Variants in VSNL1 observed in about 807,000 individuals in gnomAD.
VSNL1 encodes visinin like 1, also known as visinin-like protein 1.
VSNL1 carries 6 observed loss-of-function variants against 20.4 expected under a neutral mutation model. That is an observed-to-expected ratio of 0.29 (90% CI 0.16 to 0.58). The LOEUF is 0.58. VSNL1 is among the 20% of genes least tolerant of loss of function. The probability of loss-of-function intolerance (pLI) is 0.90; values close to 1 mark genes in which losing one functional copy is unlikely to be tolerated. For missense variants in VSNL1, 100 were observed against 234.5 expected, an observed-to-expected ratio of 0.43 and a Z score of 3.75; for synonymous variants, 93 against 86.4, an observed-to-expected ratio of 1.08 and a Z score of -0.42.
intron 1 of VSNL1, among the ~76,000 whole-genome samples, chr2:17,568,348 A>T (rs1216960985): frequency 6.6e-6 from 1 of 152,048 alleles, no homozygotes; most frequent in African/African-American, 2.4e-5. Context: ...GCTCACTGCA[A>T]CCTCAACCTT....
rs1666206340 is a variant in VSNL1, at chr2:17,655,367, A to G, written c.549A>G (p.Leu183=). The G allele has an allele frequency of 3.1e-6, 5 of 1,612,244 alleles. No individual in the cohort carries two copies. The highest frequency in any genetic ancestry group is 1.7e-4 in the Middle Eastern group (1 of 6,054). Residue 183 remains leucine (L), a synonymous_variant, in exon 4 of 4, where the codon TTA becomes TTG. Transcript: ENST00000295156. This position sits in a 1 kb window ranked among gnomAD's most constrained non-coding sequence, Gnocchi z 5.2. ...CAAAGAGCGACCCTTCCATTGTATT[A>G]CTTCTGCAGTGCGACATCCAGAAAT... ...EAAKSDPSIV[L]LLQCDIQK is the part of the protein sequence containing the mutation.
chr2:17,561,978 C>T (rs7419946), intron 1 of VSNL1, among the ~76,000 whole-genome samples: 1 of 152,198 alleles, frequency 6.6e-6, no homozygotes, highest in Non-Finnish European at 1.5e-5. Context: ...TGACTCACAT[C>T]AAACTCTCAC....
chr2:17,632,918 C>G (rs1665669121), intron 2 of VSNL1, among the ~76,000 whole-genome samples: 1 of 152,140 alleles, frequency 6.6e-6, no homozygotes, highest in Non-Finnish European at 1.5e-5. Flanking sequence ...CTTTGGGAAG[C>G]CAAGGCAGGC....
chr2:17,550,840 C>CA (rs1663517072), intron 1 of VSNL1, among the ~76,000 whole-genome samples: 2 of 152,160 alleles, frequency 1.3e-5, no homozygotes, highest in South Asian at 4.2e-4. Flanking sequence ...TATCCTAACC[C>CA]AGTCATCCTA....
At chr2:17,581,648 A>C (rs1338666880) in intron 1 of VSNL1, among the ~76,000 whole-genome samples, 2 of 152,216 alleles carry the variant, frequency 1.3e-5, no homozygotes, top group Non-Finnish European at 2.9e-5. Flanking sequence ...AATCTCTCAA[A>C]GAAGCTTTGT....
At chr2:17,567,190 A>G (rs549364191) in intron 1 of VSNL1, among the ~76,000 whole-genome samples, 5 of 152,260 alleles carry the variant, frequency 3.3e-5, no homozygotes, top group African/African-American at 1.2e-4. Flanking sequence ...CTGATGCATT[A>G]TAAGATGATT....
intron 2 of VSNL1, among the ~76,000 whole-genome samples, chr2:17,637,024 C>CAT: frequency 6.6e-6 from 1 of 152,294 alleles, no homozygotes. Flanking sequence ...AGGTGCCATC[C>CAT]ATAGGCTGTC....
intron 2 of VSNL1, among the ~76,000 whole-genome samples, chr2:17,631,001 C>T (rs1241207859): frequency 3.3e-5 from 5 of 152,138 alleles, no homozygotes; most frequent in African/African-American, 4.8e-5. Flanking sequence ...AGGCTGATCT[C>T]GAACTCTTGA....
chr2:17,544,672 T>C (rs574077030), intron 1 of VSNL1, among the ~76,000 whole-genome samples: 4 of 152,340 alleles, frequency 2.6e-5, no homozygotes, highest in Admixed American at 6.5e-5. Context: ...AGCAATATAT[T>C]TTCACTGTTC....
At chr2:17,648,873 TC>T (rs1315535246) in intron 2 of VSNL1, among the ~76,000 whole-genome samples, 6 of 152,170 alleles carry the variant, frequency 3.9e-5, no homozygotes, top group Non-Finnish European at 7.3e-5. Flanking sequence ...AAAAGAAAAG[TC>T]CCTGCAAAAA....
rs577215842 is a variant in VSNL1, at chr2:17,642,048, G to A, written c.163-7362G>A. Among the ~76,000 whole-genome samples, 17 of 152,146 alleles carry A rather than the reference G, an allele frequency of 1.1e-4. 1 individual carries two copies. Among genetic ancestry groups the A allele is most frequent in the African/African-American group, 2.9e-4 (12 of 41,478 alleles). On this transcript the variant is annotated intron_variant, in intron 2 of 3. Transcript: ENST00000295156. Reference sequence around the variant, plus strand: ...ATGTTGAAGCTTATCTGATTTATCCGTCATTTTATATCCAGGGAAACGAAA... The same window carrying A: ...ATGTTGAAGCTTATCTGATTTATCCATCATTTTATATCCAGGGAAACGAAA...
chr2:17,612,202 T>A (rs542169983), intron 2 of VSNL1, among the ~76,000 whole-genome samples: 1 of 152,296 alleles, frequency 6.6e-6, no homozygotes, highest in East Asian at 1.9e-4. Context: ...TGCCGCATGG[T>A]CCTTTTTGGA....
intron 2 of VSNL1, among the ~76,000 whole-genome samples, chr2:17,636,264 G>T (rs1432454702): frequency 6.6e-6 from 1 of 151,870 alleles, no homozygotes; most frequent in African/African-American, 2.4e-5. Context: ...GCAAGCAGAA[G>T]GCCTCATCTC....
intron 1 of VSNL1, among the ~76,000 whole-genome samples, chr2:17,580,073 C>A (rs1664315355): frequency 6.6e-6 from 1 of 152,142 alleles, no homozygotes; most frequent in African/African-American, 2.4e-5. Context: ...AAGATTGATG[C>A]TAACAATGCC....
At chr2:17,586,679 A>T (rs576285853) in intron 1 of VSNL1, among the ~76,000 whole-genome samples, 6 of 152,352 alleles carry the variant, frequency 3.9e-5, no homozygotes, top group African/African-American at 1.4e-4. Context: ...AACATCTGCC[A>T]AACTTAGTTG....
intron 2 of VSNL1, among the ~76,000 whole-genome samples, chr2:17,617,782 G>A (rs537137670): frequency 5.5e-4 from 83 of 152,184 alleles, no homozygotes; most frequent in Non-Finnish European, 9.1e-4. Context: ...AGCTTGTCAG[G>A]CTGGGCATGC....
chr2:17,613,700 G>C (rs918165208), intron 2 of VSNL1, among the ~76,000 whole-genome samples: 15 of 152,216 alleles, frequency 9.9e-5, no homozygotes, highest in African/African-American at 3.4e-4. Flanking sequence ...GGAATGCTCA[G>C]CTGTTCCCTG....
intron 1 of VSNL1, among the ~76,000 whole-genome samples, chr2:17,586,732 A>G (rs1194549897): frequency 6.6e-6 from 1 of 152,228 alleles, no homozygotes; most frequent in Non-Finnish European, 1.5e-5. Context: ...TAATTATGCC[A>G]TGGGTCATTA....
chr2:17,647,988 G>T (rs1321076822), intron 2 of VSNL1, among the ~76,000 whole-genome samples: 2 of 152,120 alleles, frequency 1.3e-5, no homozygotes, highest in Non-Finnish European at 2.9e-5. Context: ...ACCAGGAAAA[G>T]ATATGTTTGA....
Sources: gnomAD v4.1 joint callset for allele counts (sites outside exome capture counted in the v4.1 genomes callset) on GRCh38, gnomAD v4.1.1 for gene constraint, Gnocchi (gnomAD v3.1) non-coding constraint, MANE v1.5 for transcripts, NCBI Gene and HGNC (gene_info 2026-07-23, HGNC 2026-07-21) for gene names.